DYRK4: variants seen among roughly 807,000 people sequenced by gnomAD.
DYRK4 encodes the protein dual specificity tyrosine phosphorylation regulated kinase 4.
A neutral mutation model predicts 68.3 loss-of-function variants in DYRK4; 64 were observed. That is an observed-to-expected ratio of 0.94 (90% CI 0.77 to 1.15). The LOEUF (loss-of-function observed/expected upper bound fraction) is 1.15. Among genes scored for constraint, DYRK4 ranks in the 50% most tolerant of loss-of-function variants. The pLI is 0.00. For synonymous variants in DYRK4, 274 were observed against 289.9 expected (o/e 0.95, Z 0.56); for missense variants, 740 against 764.7 (o/e 0.97, Z 0.38).
chr12:4,605,543 G>A (rs11063257), intron 11 of DYRK4, among the ~76,000 whole-genome samples: 13,370 of 151,772 alleles, frequency 0.088, 743 homozygotes, highest in South Asian at 0.14. Context: ...ATACGTTTAT[G>A]TTTAGAAACT....
intron 8 of DYRK4, 158 bp downstream of exon 8, chr12:4,596,887 G>A (rs1945024117): frequency 6.8e-7 from 1 of 1,471,034 alleles, no homozygotes; most frequent in South Asian, 1.4e-5. Context: ...GAGCAAGGAG[G>A]TTGGGATGAA....
In DYRK4 at chr12:4,602,255, C is replaced by A. The variant is rs1020713255; in HGVS notation, c.1126+2467C>A. ...ATTCTCCTCATTTCTAAGACCTGCTCTCTTTTCTTTTGCAACCATGCTTTA... is the reference window on the plus strand; with the variant it reads ...ATTCTCCTCATTTCTAAGACCTGCTATCTTTTCTTTTGCAACCATGCTTTA... On this transcript the variant is annotated intron_variant, in intron 10 of 14. Coordinates refer to ENST00000543431, the MANE Select transcript of DYRK4 (RefSeq NM_001394779.1). The A allele has an allele frequency of 1.6e-5, 17 of 1,075,118 alleles. No homozygotes were observed. In the African/African-American group the frequency reaches 2.2e-4, roughly 14 times the overall value. 66.6% of individuals were successfully genotyped at this position (1,075,118 alleles called of 1,614,324 possible).
rs535521271 is a variant in DYRK4, at chr12:4,574,094, G to A, written c.132+6046G>A. On this transcript the variant is annotated intron_variant, in intron 2 of 14. Coordinates refer to ENST00000543431, the MANE Select transcript of DYRK4 (RefSeq NM_001394779.1). ...CAAAAAATTAGCCGTGCGTGGTGGC[G>A]GGTGCCTGTAATCCCAGCTGCTCGG... Among the ~76,000 whole-genome samples, 5 of 152,026 alleles carry A rather than the reference G, an allele frequency of 3.3e-5. No individual in the cohort carries two copies. In the East Asian group the frequency reaches 9.7e-4, roughly 29 times the overall value.
At chr12:4,598,545 C>T (rs985924331) in intron 8 of DYRK4, among the ~76,000 whole-genome samples, 1 of 152,166 alleles carries the variant, frequency 6.6e-6, no homozygotes, top group Non-Finnish European at 1.5e-5. Flanking sequence ...TAGGTGGGAC[C>T]AAACAGCCAC....
At chr12:4,611,420 T>C (rs944918589) in intron 13 of DYRK4, among the ~76,000 whole-genome samples, 28 of 152,364 alleles carry the variant, frequency 1.8e-4, no homozygotes, top group African/African-American at 5.5e-4. Context: ...TCTTCTTTAG[T>C]GCAAAGGACT....
At chr12:4,565,366 A>C (rs1216706297) in intron 1 of DYRK4, among the ~76,000 whole-genome samples, 2 of 152,180 alleles carry the variant, frequency 1.3e-5, no homozygotes, top group Non-Finnish European at 2.9e-5. Flanking sequence ...GTATTTTTGT[A>C]GAATTAAAGA....
At chr12:4,590,878 A>G in intron 4 of DYRK4, 1 of 456,608 alleles carries the variant, frequency 2.2e-6, no homozygotes. Flanking sequence ...TAAGAGCAGC[A>G]GTGAAAAACT....
intron 2 of DYRK4, among the ~76,000 whole-genome samples, chr12:4,584,844 C>T (rs1041701255): frequency 3.3e-5 from 5 of 152,234 alleles, no homozygotes; most frequent in African/African-American, 9.6e-5. Context: ...CGTGAGCCAC[C>T]GCGCCTGGCC....
At chr12:4,589,426 T>C (rs942530643) in intron 3 of DYRK4, among the ~76,000 whole-genome samples, 5 of 152,218 alleles carry the variant, frequency 3.3e-5, no homozygotes, top group African/African-American at 1.2e-4. Context: ...CATGAGGTCT[T>C]ATTCAGTGTA....
chr12:4,592,501 T>A (rs997946918), intron 5 of DYRK4: 19 of 152,466 alleles, frequency 1.2e-4, no homozygotes, highest in African/African-American at 4.1e-4. Context: ...ACTCATAATC[T>A]CTTCTTGCAA....
chr12:4,605,953 T>A (rs953080846), intron 11 of DYRK4, among the ~76,000 whole-genome samples: 10 of 152,154 alleles, frequency 6.6e-5, no homozygotes, highest in Non-Finnish European at 1.2e-4. Context: ...TCTAAAATTA[T>A]GTTTACCAGC....
intron 2 of DYRK4, among the ~76,000 whole-genome samples, chr12:4,570,389 G>T (rs908695944): frequency 6.6e-6 from 1 of 152,102 alleles, no homozygotes; most frequent in Admixed American, 6.5e-5. Flanking sequence ...TGTTCTGATG[G>T]GTCTTAAATA....
At chr12:4,566,528 A>T (rs975229859) in intron 1 of DYRK4, among the ~76,000 whole-genome samples, 8 of 152,160 alleles carry the variant, frequency 5.3e-5, no homozygotes, top group African/African-American at 1.9e-4. Context: ...CTTAGTCAAC[A>T]CCTGGAAACA....
intron 2 of DYRK4, among the ~76,000 whole-genome samples, chr12:4,584,065 T>A (rs1397536491): frequency 6.6e-6 from 1 of 152,096 alleles, no homozygotes; most frequent in Non-Finnish European, 1.5e-5. Context: ...TTGTAAAAAG[T>A]TAGAAAGGAT....
At chr12:4,599,255 A>C in intron 9 of DYRK4, 89 bp downstream of exon 9, 1 of 1,306,098 alleles carries the variant, frequency 7.7e-7, no homozygotes, top group Non-Finnish European at 1.0e-6. Flanking sequence ...ACTCCAATCA[A>C]ATAATTGCCT....
At chr12:4,563,287 A>T (rs984106716) in intron 1 of DYRK4, 1 of 386,650 alleles carries the variant, frequency 2.6e-6, no homozygotes, top group Admixed American at 3.0e-5. Flanking sequence ...TTATGGAGAA[A>T]GCAGAGGTAA....
intron 11 of DYRK4, among the ~76,000 whole-genome samples, chr12:4,605,686 A>G (rs1418306220): frequency 6.9e-6 from 1 of 145,148 alleles, no homozygotes; most frequent in Non-Finnish European, 1.5e-5. Flanking sequence ...AAAATGTGAA[A>G]TCTTATTGGG....
chr12:4,588,629 C>T (rs115693364), intron 2 of DYRK4, among the ~76,000 whole-genome samples: 378 of 152,320 alleles, frequency 2.5e-3, no homozygotes, highest in African/African-American at 8.6e-3. Context: ...AGCTGTTACT[C>T]CTTACCGTAA....
intron 2 of DYRK4, among the ~76,000 whole-genome samples, chr12:4,582,043 G>A (rs1411840055): frequency 6.6e-6 from 1 of 152,216 alleles, no homozygotes; most frequent in Non-Finnish European, 1.5e-5. Context: ...GTTTGTGCAC[G>A]TGAGTGGTGT....
Sources: allele counts gnomAD v4.1 joint callset (sites outside exome capture counted in the v4.1 genomes callset), GRCh38; gene constraint gnomAD v4.1.1; transcripts MANE v1.5; gene names NCBI Gene and HGNC (gene_info 2026-07-23, HGNC 2026-07-21).